The following ZC3H12B variants were observed in gnomAD, a reference collection of about 807,000 sequenced individuals.
ZC3H12B encodes the protein probable ribonuclease ZC3H12B.
Under a neutral mutation model 43.9 loss-of-function variants are expected in ZC3H12B, and 7 were observed. That is an observed-to-expected ratio of 0.16 (90% CI 0.09 to 0.30). ZC3H12B has a LOEUF of 0.30. ZC3H12B is among the 10% of genes least tolerant of loss of function. The pLI, the probability that ZC3H12B is intolerant of heterozygous loss-of-function variation, is 1.00. For synonymous variants in ZC3H12B, 222 were observed against 241.7 expected (o/e 0.92, Z 0.76); for missense variants, 475 against 670.2 (o/e 0.71, Z 3.22).
the ZC3H12B span, among the ~76,000 whole-genome samples, chrX:65,317,633 G>A: frequency 9.2e-6 from 1 of 108,574 alleles, no homozygotes; most frequent in Non-Finnish European, 1.9e-5. Context: ...TACGATGTTT[G>A]GGTTTCCATT....
the ZC3H12B span, among the ~76,000 whole-genome samples, chrX:65,072,561 T>C: frequency 8.9e-6 from 1 of 112,343 alleles, no homozygotes; most frequent in African/African-American, 3.2e-5. Flanking sequence ...GGATGAGTTT[T>C]TTTTTCTTTT....
Position 65,489,563 on chromosome X carries a change from C to A in ZC3H12B, c.608+154C>A, listed in dbSNP as rs190195969. Among the ~76,000 whole-genome samples the A allele has an allele frequency of 2.2e-3, 249 of 111,870 alleles. 1 individual carries two copies. Among genetic ancestry groups the A allele is most frequent in the African/African-American group, 7.9e-3 (242 of 30,823 alleles). On this transcript the variant is annotated intron_variant, in intron 1 of 4. Coordinates refer to ENST00000338957, the Ensembl canonical transcript of ZC3H12B. ...AGAGACTAAAATGATCCTGCCCTTG[C>A]CTTTTCTTCTTCCACTGAAGTTGCT...
At chrX:65,327,023 G>A in the ZC3H12B span, among the ~76,000 whole-genome samples, 48 of 111,342 alleles carry the variant, frequency 4.3e-4, no homozygotes, top group Non-Finnish European at 6.8e-4. Flanking sequence ...ACATTGTTGG[G>A]AGAAATATAA....
chrX:65,448,441 C>T (rs769953686), intron 3 of ZC3H12B, among the ~76,000 whole-genome samples: 1 of 111,978 alleles, frequency 8.9e-6, no homozygotes, highest in African/African-American at 3.2e-5. Flanking sequence ...AAGAAACCTG[C>T]ACGTGTATGT....
intron 2 of ZC3H12B, among the ~76,000 whole-genome samples, chrX:65,397,567 G>A (rs934397360): frequency 9.0e-6 from 1 of 111,585 alleles, no homozygotes; most frequent in African/African-American, 3.3e-5. Flanking sequence ...GAGATCCATT[G>A]AATTCAACAT....
chrX:65,463,706 C>A (rs1257501511), intron 3 of ZC3H12B, among the ~76,000 whole-genome samples: 1 of 110,832 alleles, frequency 9.0e-6, no homozygotes, highest in Non-Finnish European at 1.9e-5. Flanking sequence ...ATGTGTCTCC[C>A]ACTGCGCATT....
At chrX:65,287,988 A>G in the ZC3H12B span, among the ~76,000 whole-genome samples, 1 of 101,052 alleles carries the variant, frequency 9.9e-6, no homozygotes, top group Admixed American at 1.0e-4. Flanking sequence ...AATTTTATAT[A>G]CATATATATA....
At chrX:65,388,154 A>G (rs928824350) in intron 2 of ZC3H12B, among the ~76,000 whole-genome samples, 89 of 111,041 alleles carry the variant, frequency 8.0e-4, no homozygotes, top group South Asian at 2.3e-3. Flanking sequence ...TCTTTGTGGC[A>G]TTCTCTGTAT....
the ZC3H12B span, among the ~76,000 whole-genome samples, chrX:65,232,811 G>GAA: frequency 1.6e-4 from 17 of 103,899 alleles, no homozygotes; most frequent in Non-Finnish European, 2.4e-4. Flanking sequence ...TGAATGGATG[G>GAA]AAAAAAAAAA....
chrX:65,502,733 C>A, exon 5 of ZC3H12B: 1 of 1,210,577 alleles, frequency 8.3e-7, no homozygotes, highest in Non-Finnish European at 1.1e-6. Flanking sequence ...TGCAGACTAC[C>A]CCATGCCTCC....
intron 3 of ZC3H12B, chrX:65,408,039 G>T (rs1450085442): frequency 3.5e-6 from 4 of 1,147,514 alleles, no homozygotes; most frequent in East Asian, 3.1e-5. Flanking sequence ...ATTGACCGGA[G>T]AATTGAGTTG....
At chrX:65,433,145 C>A (rs992706108) in intron 3 of ZC3H12B, among the ~76,000 whole-genome samples, 1 of 112,603 alleles carries the variant, frequency 8.9e-6, no homozygotes, top group Non-Finnish European at 1.9e-5. Flanking sequence ...GCAATAAAAC[C>A]ACATCTGGTA....
the ZC3H12B span, among the ~76,000 whole-genome samples, chrX:65,336,231 A>G: frequency 8.9e-6 from 1 of 112,610 alleles, no homozygotes; most frequent in African/African-American, 3.2e-5. Context: ...CAAACAAAGA[A>G]GCTGGAAACC....
chrX:65,242,647 A>T, the ZC3H12B span, among the ~76,000 whole-genome samples: 1 of 112,031 alleles, frequency 8.9e-6, no homozygotes. Flanking sequence ...TTTATATGGA[A>T]TCACAGGGAC....
the ZC3H12B span, among the ~76,000 whole-genome samples, chrX:65,111,265 C>T: frequency 1.8e-5 from 2 of 111,138 alleles, no homozygotes; most frequent in Non-Finnish European, 1.9e-5. Context: ...AGAACTATAT[C>T]GATTAGGAGT....
chrX:65,068,553 A>G, the ZC3H12B span, among the ~76,000 whole-genome samples: 41 of 112,122 alleles, frequency 3.7e-4, no homozygotes, highest in African/African-American at 1.3e-3. Flanking sequence ...TGCTGCTTCT[A>G]TTGATATCTT....
At chrX:65,096,008 CA>C in the ZC3H12B span, among the ~76,000 whole-genome samples, 7 of 109,844 alleles carry the variant, frequency 6.4e-5, no homozygotes, top group South Asian at 3.8e-4. Flanking sequence ...TATTAAAAGA[CA>C]AAAAAAATAC....
At chrX:65,046,867 T>A in the ZC3H12B span, among the ~76,000 whole-genome samples, 4 of 111,117 alleles carry the variant, frequency 3.6e-5, no homozygotes, top group Non-Finnish European at 7.6e-5. Context: ...ATGATTTCAA[T>A]ATTGTTATGT....
the ZC3H12B span, among the ~76,000 whole-genome samples, chrX:65,064,060 A>C: frequency 1.8e-5 from 2 of 111,393 alleles, no homozygotes; most frequent in African/African-American, 6.5e-5. Context: ...CTTCTTTATT[A>C]GTCTGGCTAG....
Sources: gnomAD v4.1 joint callset for allele counts (sites outside exome capture counted in the v4.1 genomes callset) on GRCh38, gnomAD v4.1.1 for gene constraint, MANE v1.5 for transcripts, NCBI Gene and HGNC (gene_info 2026-07-23, HGNC 2026-07-21) for gene names.